Variants in SHROOM2 observed in about 807,000 individuals in gnomAD.
SHROOM2 encodes the protein shroom family member 2.
Under a neutral mutation model 75.9 loss-of-function variants are expected in SHROOM2, and 33 were observed. The ratio of observed to expected loss-of-function variants is 0.43; its 90% confidence interval spans 0.33 to 0.58. The LOEUF is 0.58. SHROOM2 is among the 20% of genes least tolerant of loss of function. SHROOM2 has a pLI of 0.04. For synonymous variants in SHROOM2, 655 were observed against 663.6 expected, an observed-to-expected ratio of 0.99 and a Z score of 0.20; for missense variants, 1,434 against 1,461.2, an observed-to-expected ratio of 0.98 and a Z score of 0.30.
intron 2 of SHROOM2, among the ~76,000 whole-genome samples, chrX:9,885,162 G>T (rs2084253775): frequency 8.9e-6 from 1 of 112,237 alleles, no homozygotes; most frequent in Admixed American, 9.4e-5. Flanking sequence ...CAGGATGAAA[G>T]GGAATACACA....
intron 1 of SHROOM2, among the ~76,000 whole-genome samples, chrX:9,853,360 G>A (rs1329141452): frequency 1.8e-5 from 2 of 112,123 alleles, no homozygotes; most frequent in Non-Finnish European, 3.8e-5. Context: ...GGCTACATCT[G>A]TTTCGTAGGG....
chrX:9,798,344 A>G (rs2083705966), intron 1 of SHROOM2, among the ~76,000 whole-genome samples: 1 of 112,407 alleles, frequency 8.9e-6, no homozygotes, highest in Admixed American at 9.5e-5. Flanking sequence ...TCTGTTTGCA[A>G]ATTTGTAAAC....
chrX:9,852,823 G>C (rs1045890366), intron 1 of SHROOM2, among the ~76,000 whole-genome samples: 2 of 112,253 alleles, frequency 1.8e-5, no homozygotes, highest in African/African-American at 6.5e-5. Flanking sequence ...GCCCAGAAAA[G>C]GTCATTGGTT....
rs747687263 is a variant in SHROOM2 at position 9,932,582 on chromosome X, C to T, written c.3299C>T (p.Ala1100Val). ...LGRPFPTPSPASLDVYVARLS... is the reference protein window; with the variant it reads ...LGRPFPTPSPVSLDVYVARLS... ...AGGCCCTTCCCAACGCCATCCCCTGCGTCCCTGGATGTGTATGTGGCCCGC... is the reference window on the plus strand; with the variant it reads ...AGGCCCTTCCCAACGCCATCCCCTGTGTCCCTGGATGTGTATGTGGCCCGC... The change falls in exon 6 of 10, where the codon GCG (alanine) becomes GTG (valine). Residue 1100 changes from alanine (A) to valine (V), a missense_variant. Ala to Val is a moderately conservative substitution (Grantham distance 64). This residue lies in a region of SHROOM2 where 1,340 missense variants were observed against 1,338.3 expected (regional missense o/e 1.00). Transcript: ENST00000380913. The T allele has an allele frequency of 5.0e-6, 6 of 1,211,749 alleles. No homozygotes were observed. The highest frequency in any genetic ancestry group is 2.3e-4 in the Middle Eastern group (1 of 4,354).
chrX:9,821,500 CT>C (rs1320743946), intron 1 of SHROOM2, among the ~76,000 whole-genome samples: 2 of 111,231 alleles, frequency 1.8e-5, no homozygotes, highest in African/African-American at 3.3e-5. Flanking sequence ...AACTCTGCCC[CT>C]GGTACCTGGT....
chrX:9,905,681 G>C (rs944544411), intron 5 of SHROOM2, among the ~76,000 whole-genome samples: 2 of 113,012 alleles, frequency 1.8e-5, no homozygotes, highest in Non-Finnish European at 3.7e-5. Flanking sequence ...TTGTGTGTTC[G>C]TTTCCATACT....
At chrX:9,935,335 T>A (rs866646864) in intron 6 of SHROOM2, among the ~76,000 whole-genome samples, 1 of 98,653 alleles carries the variant, frequency 1.0e-5, no homozygotes, top group African/African-American at 4.0e-5. Flanking sequence ...ATTATTATTA[T>A]TTATTATTAT....
At chrX:9,795,636 G>A (rs866331411) in intron 1 of SHROOM2, among the ~76,000 whole-genome samples, 6 of 111,282 alleles carry the variant, frequency 5.4e-5, no homozygotes, top group Admixed American at 1.9e-4. Flanking sequence ...TGAAGGTTGC[G>A]TTCCCCAAAA....
chrX:9,854,801 T>C (rs1010285020), intron 1 of SHROOM2, among the ~76,000 whole-genome samples: 2 of 110,536 alleles, frequency 1.8e-5, no homozygotes, highest in African/African-American at 6.6e-5. Flanking sequence ...TTATATTAAA[T>C]TCATAAGGTC....
intron 5 of SHROOM2, among the ~76,000 whole-genome samples, chrX:9,915,013 C>G (rs1315798450): frequency 8.9e-6 from 1 of 112,329 alleles, no homozygotes; most frequent in Non-Finnish European, 1.9e-5. Flanking sequence ...GTTAATCAGG[C>G]AGAGACAGCA....
At chrX:9,935,638 C>T (rs969295950) in intron 6 of SHROOM2, among the ~76,000 whole-genome samples, 5 of 111,330 alleles carry the variant, frequency 4.5e-5, no homozygotes, top group East Asian at 2.8e-4. Flanking sequence ...GAGGAAAATA[C>T]GCAGTTAGTT....
intron 1 of SHROOM2, among the ~76,000 whole-genome samples, chrX:9,864,423 C>T (rs2084121992): frequency 9.0e-6 from 1 of 111,415 alleles, no homozygotes; most frequent in African/African-American, 3.3e-5. Context: ...AATACCAACA[C>T]TTTGGGAGAC....
intron 5 of SHROOM2, among the ~76,000 whole-genome samples, chrX:9,914,846 T>C (rs1054349127): frequency 7.1e-5 from 8 of 111,905 alleles, no homozygotes; most frequent in African/African-American, 2.6e-4. Flanking sequence ...TCCTGCGGAC[T>C]AATGGGTCGA....
chrX:9,871,905 A>G (rs1210053148), intron 1 of SHROOM2, among the ~76,000 whole-genome samples: 1 of 112,368 alleles, frequency 8.9e-6, no homozygotes, highest in Non-Finnish European at 1.9e-5. Flanking sequence ...CATGACATGC[A>G]GCTGGCTAGC....
At chrX:9,897,851 A>G (rs1030864027) in intron 4 of SHROOM2, among the ~76,000 whole-genome samples, 4 of 112,193 alleles carry the variant, frequency 3.6e-5, no homozygotes, top group East Asian at 2.8e-4. Context: ...GCTATTCAGC[A>G]TGACCTCTGA....
intron 4 of SHROOM2, 59 bp from the exon 5 acceptor site, chrX:9,898,131 C>T (rs2084344709): frequency 1.0e-6 from 1 of 973,565 alleles, no homozygotes. Flanking sequence ...TTCATAATCA[C>T]AGATGTCCTG....
At chrX:9,935,222 C>T (rs1000027737) in intron 6 of SHROOM2, among the ~76,000 whole-genome samples, 8 of 111,080 alleles carry the variant, frequency 7.2e-5, no homozygotes, top group African/African-American at 2.0e-4. Context: ...GAGCTTCTCC[C>T]GGGAGCCGGG....
At chrX:9,823,656 C>T (rs1040572670) in intron 1 of SHROOM2, among the ~76,000 whole-genome samples, 1 of 111,128 alleles carries the variant, frequency 9.0e-6, no homozygotes, top group African/African-American at 3.3e-5. Context: ...AGGATCTATA[C>T]GAAGTCATTT....
chrX:9,915,792 AT>A (rs1489781257), intron 5 of SHROOM2, among the ~76,000 whole-genome samples: 77 of 112,339 alleles, frequency 6.9e-4, no homozygotes, highest in African/African-American at 2.3e-3. Flanking sequence ...TGGATAAACA[AT>A]CCATTTCCGA....
Sources: allele counts gnomAD v4.1 joint callset (sites outside exome capture counted in the v4.1 genomes callset), GRCh38; gene constraint gnomAD v4.1.1; regional missense constraint gnomAD v4.1.1; transcripts MANE v1.5; gene names NCBI Gene and HGNC (gene_info 2026-07-23, HGNC 2026-07-21).